ESPN: variants seen among roughly 807,000 people sequenced by gnomAD.
ESPN encodes espin.
A neutral mutation model predicts 77.7 loss-of-function variants in ESPN; 68 were observed. The ratio of observed to expected loss-of-function variants is 0.87; its 90% CI spans 0.72 to 1.07. The LOEUF is 1.07. Among genes scored for constraint, ESPN ranks in the 50% least tolerant of loss-of-function variants. ESPN has a pLI of 0.00. For missense variants in ESPN, 1,060 were observed against 1,239.0 expected (o/e 0.86, Z 2.17); for synonymous variants, 449 against 567.1 (o/e 0.79, Z 2.96).
At chr1:6,429,754 G>A (rs1473651967) in intron 2 of ESPN, 1 of 152,452 alleles carries the variant, frequency 6.6e-6, no homozygotes, top group Non-Finnish European at 1.5e-5. Context: ...AGGAAGACTG[G>A]CTGTGCTGTG....
chr1:6,445,277 C>A (rs953459119), intron 6 of ESPN, among the ~76,000 whole-genome samples: 14 of 152,254 alleles, frequency 9.2e-5, no homozygotes, highest in African/African-American at 2.9e-4. Context: ...GGGCGTCCGT[C>A]CACTTGCAAT....
Position 6,450,712 on chromosome 1 carries a change from C to G in ESPN, c.1916-891C>G, listed in dbSNP as rs1203634368. Among the ~76,000 whole-genome samples, 1 of 152,104 alleles carries G rather than the reference C, an allele frequency of 6.6e-6. No homozygotes were observed. Among genetic ancestry groups the G allele is most frequent in the African/African-American group, 2.4e-5 (1 of 41,402 alleles). ...TGCCTAAATAAATGAGCCAGCCACA[C>G]CGATTTTCCCTTTCTCCTACTCTTC... On this transcript the variant is annotated intron_variant, in intron 8 of 12. Transcript: ENST00000645284. The surrounding 1 kb of genome is among the most constrained non-coding windows in gnomAD (Gnocchi z 4.3).
chr1:6,425,358 C>T (rs1642998490), intron 1 of ESPN, 109 bp downstream of exon 1: 11 of 1,321,126 alleles, frequency 8.3e-6, no homozygotes, highest in Non-Finnish European at 1.1e-5. Context: ...ACCTCCTGGC[C>T]CAGCTGAACC....
rs564164468 is a variant in ESPN at position 6,460,811 on chromosome 1, C to T, written c.*665C>T. The T allele has an allele frequency of 4.7e-6, 1 of 211,856 alleles. No individual in the cohort carries two copies. The highest frequency in any genetic ancestry group is 6.9e-5 in the South Asian group (1 of 14,544). 13.1% of individuals were successfully genotyped at this position (211,856 alleles called of 1,614,324 possible). ...GACCCACTCGCTGCCGGGACCCTTT[C>T]ACTGCCCCGGTGGAGTGAATAGAGG... On this transcript the variant is annotated 3_prime_UTR_variant, in exon 13 of 13. Transcript: ENST00000645284.
In ESPN at chr1:6,428,363, C is replaced by T. The variant is rs144234258; in HGVS notation, c.432C>T (p.Tyr144=). 37 of 1,612,984 alleles carry T rather than the reference C, an allele frequency of 2.3e-5. 1 individual carries two copies. Among genetic ancestry groups the T allele is most frequent in the African/African-American group, 1.9e-4 (14 of 74,932 alleles). The change falls in exon 2 of 13, where the codon TAC becomes TAT. Residue 144 remains tyrosine (Y), a synonymous_variant. Coordinates refer to ENST00000645284, the MANE Select transcript of ESPN (RefSeq NM_031475.3). This position sits in a 1 kb window ranked among gnomAD's most constrained non-coding sequence, Gnocchi z 5.4. The part of the protein sequence containing the change: ...ATDMGALPIH[Y]AAAKGDFPSL... ...ACATGGGCGCCCTGCCTATCCACTA[C>T]GCTGCCGCCAAAGGAGACTTCCCCT...
intron 1 of ESPN, among the ~76,000 whole-genome samples, chr1:6,426,046 A>G (rs1643022707): frequency 6.6e-6 from 1 of 152,116 alleles, no homozygotes; most frequent in Non-Finnish European, 1.5e-5. Flanking sequence ...TCATAGGCCG[A>G]GGTTAGGGAT....
intron 5 of ESPN, among the ~76,000 whole-genome samples, chr1:6,441,600 ATT>A (rs1489107293): frequency 6.6e-6 from 1 of 152,248 alleles, no homozygotes; most frequent in Admixed American, 6.5e-5. Flanking sequence ...AAATTATGTT[ATT>A]ATGGTGAGAC....
In ESPN at chr1:6,441,193, G is replaced by T. The variant is rs1044366197; in HGVS notation, c.990+128G>T. ...GGACGTGAAGCCCGCTACCCCACAC[G>T]ACCTCTCAGCCCAGAACCACTGCCT... On this transcript the variant is annotated intron_variant, in intron 5 of 12. Coordinates refer to ENST00000645284, the MANE Select transcript of ESPN (RefSeq NM_031475.3). 44 of 1,319,194 alleles carry T rather than the reference G, an allele frequency of 3.3e-5. 1 individual carries two copies. The highest frequency in any genetic ancestry group is 2.5e-4 in the Middle Eastern group (1 of 3,964). The allele number at this position is 1,319,194 out of a possible 1,614,324, so 81.7% of individuals were successfully genotyped here.
At chr1:6,452,158 C>G (rs907614212) in intron 10 of ESPN, 62 bp downstream of exon 10, 26 of 1,469,164 alleles carry the variant, frequency 1.8e-5, no homozygotes, top group Non-Finnish European at 2.3e-5. Flanking sequence ...AGCCCATCCC[C>G]CACGCCACCC....
chr1:6,458,898 A>C (rs1569762446), intron 12 of ESPN, among the ~76,000 whole-genome samples: 1 of 139,794 alleles, frequency 7.2e-6, no homozygotes, highest in African/African-American at 2.8e-5. Flanking sequence ...GCCGTTTTGT[A>C]CTCTAGCCTG....
Position 6,425,095 on chromosome 1 carries a change from G to T in ESPN, c.140G>T (p.Gly47Val). 6.7e-7 allele frequency: 1 copy of T among 1,492,574 alleles called. No individual in the cohort carries two copies. Among genetic ancestry groups the T allele is most frequent in the Non-Finnish European group, 8.9e-7 (1 of 1,129,472 alleles). The allele number at this position is 1,492,574 out of a possible 1,614,324, so 92.5% of individuals were successfully genotyped here. A position where few individuals can be genotyped will look rare whatever the true frequency, so the allele number is the denominator to read the frequency against. The change falls in exon 1 of 13, where the codon GGG becomes GTG. Residue 47 changes from glycine to valine, a missense_variant. Transcript: ENST00000645284. ...ALPVHHAARA[G>V]KLHCLRFLVE... ...CCCGTGCACCACGCGGCCCGCGCTG[G>T]GAAGCTGCACTGTCTGCGCTTCCTG...
chr1:6,443,407 C>A (rs1229489259), intron 5 of ESPN, among the ~76,000 whole-genome samples: 1 of 152,258 alleles, frequency 6.6e-6, no homozygotes, highest in Non-Finnish European at 1.5e-5. Context: ...GTGGCCCAGC[C>A]TCTTATCTGC....
chr1:6,459,493 T>C (rs3007415), intron 12 of ESPN, among the ~76,000 whole-genome samples: 146,956 of 152,248 alleles, frequency 0.97, 71,190 homozygotes, highest in Middle Eastern at 1. Context: ...ATTTCAAATG[T>C]TCAGCAGCCA....
intron 8 of ESPN, 146 bp downstream of exon 8, chr1:6,449,237 T>C (rs1207770606): frequency 1.2e-6 from 1 of 863,610 alleles, no homozygotes; most frequent in Non-Finnish European, 1.6e-6. Context: ...CATTGAGTAC[T>C]TGACCCTAAG....
chr1:6,461,138 C>T, downstream of ESPN: 1 of 631,626 alleles, frequency 1.6e-6, no homozygotes. The surrounding 1 kb of genome is among the most constrained non-coding windows in gnomAD (Gnocchi z 6.3). Flanking sequence ...CCCGCAGAAA[C>T]GCCAAGAAGC....
At chr1:6,433,812 C>T (rs1278058771) in intron 2 of ESPN, among the ~76,000 whole-genome samples, 2 of 152,148 alleles carry the variant, frequency 1.3e-5, no homozygotes, top group African/African-American at 4.8e-5. Context: ...CAAGTCTTTG[C>T]CCAGACCTCA....
Position 6,428,638 on chromosome 1 carries a change from A to G in ESPN, c.488+219A>G, listed in dbSNP as rs934741213. On this transcript the variant is annotated intron_variant, in intron 2 of 12. Transcript: ENST00000645284. The surrounding 1 kb of genome is among the most constrained non-coding windows in gnomAD (Gnocchi z 5.4). Reference sequence around the variant, plus strand: ...GGGCTGCCCCCAGAGCCCTGCAAGCAGGTGCTCCCAGCATCCTCAGCTGCC... The same window carrying G: ...GGGCTGCCCCCAGAGCCCTGCAAGCGGGTGCTCCCAGCATCCTCAGCTGCC... 6.6e-6 allele frequency among the ~76,000 whole-genome samples: 1 copy of G among 152,186 alleles called. No homozygotes were observed. Among genetic ancestry groups the G allele is most frequent in the African/African-American group, 2.4e-5 (1 of 41,458 alleles).
chr1:6,439,806 G>A (rs1643554100), intron 2 of ESPN, among the ~76,000 whole-genome samples: 1 of 152,118 alleles, frequency 6.6e-6, no homozygotes, highest in Admixed American at 6.5e-5. Flanking sequence ...TCAGGAGTTC[G>A]AGACCAGCCT....
chr1:6,427,263 G>A lies in ESPN; in HGVS notation c.295-963G>A, dbSNP rs1643070804. Among the ~76,000 whole-genome samples, 1 of 152,090 alleles carries A rather than the reference G, an allele frequency of 6.6e-6. No individual in the cohort carries two copies. The highest frequency in any genetic ancestry group is 2.4e-5 in the African/African-American group (1 of 41,402). On this transcript the variant is annotated intron_variant, in intron 1 of 12. Coordinates refer to ENST00000645284, the MANE Select transcript of ESPN (RefSeq NM_031475.3). The surrounding 1 kb of genome is among the most constrained non-coding windows in gnomAD (Gnocchi z 4.6). ...ACCCCTCTGTCATCCTATGTGCTTG[G>A]TGCTGGGAGGTGGTTCTGTTCCCGA...
Sources: allele counts gnomAD v4.1 joint callset (sites outside exome capture counted in the v4.1 genomes callset), GRCh38; gene constraint gnomAD v4.1.1; non-coding constraint Gnocchi (gnomAD v3.1); transcripts MANE v1.5; gene names NCBI Gene and HGNC (gene_info 2026-07-23, HGNC 2026-07-21).